The following SOX5 variants were observed in gnomAD, a reference collection of about 807,000 sequenced individuals.
The protein encoded by SOX5 is transcription factor SOX-5.
Under a neutral mutation model 92.0 loss-of-function variants are expected in SOX5, and 9 were observed. That is an observed-to-expected ratio of 0.10 (90% confidence interval 0.06 to 0.17). SOX5 has a LOEUF of 0.17. Among genes scored for constraint, SOX5 ranks in the 10% least tolerant of loss-of-function variants. The pLI, the probability that SOX5 is intolerant of heterozygous loss-of-function variation, is 1.00. For missense variants in SOX5, 642 were observed against 944.5 expected (o/e 0.68, Z 4.20); for synonymous variants, 344 against 336.3 (o/e 1.02, Z -0.25).
chr12:23,666,438 C>A (rs1035737815), intron 6 of SOX5, among the ~76,000 whole-genome samples: 1 of 152,174 alleles, frequency 6.6e-6, no homozygotes, highest in Non-Finnish European at 1.5e-5. Context: ...AGAAATACAA[C>A]CTAATGTGGC....
At chr12:23,713,930 AAAAATTCAAAAATTAGTT>A (rs1319856563) in intron 6 of SOX5, among the ~76,000 whole-genome samples, 10 of 151,330 alleles carry the variant, frequency 6.6e-5, no homozygotes, top group Admixed American at 6.6e-4. Flanking sequence ...CTTCTTTACT[AAAAATTCAAAAATTAGTT>A]GGGTGTGGCG....
At chr12:23,816,708 C>T (rs1052167700) in intron 3 of SOX5, among the ~76,000 whole-genome samples, 13 of 152,086 alleles carry the variant, frequency 8.5e-5, no homozygotes, top group African/African-American at 3.1e-4. Context: ...GAGCAAATGT[C>T]ATAAAAGGGT....
In SOX5 at chr12:24,036,045, C is replaced by T. The variant is rs1022768450; in HGVS notation, c.-1-140021G>A. 1.2e-4 allele frequency among the ~76,000 whole-genome samples: 18 copies of T among 151,858 alleles called. 1 individual carries two copies. Among genetic ancestry groups the T allele is most frequent in the Admixed American group, 3.3e-4 (5 of 15,216 alleles). On this transcript the variant is annotated intron_variant, in intron 4 of 4. Transcript: ENST00000446891. ...GAGAATGGGAAAATTATACAACACA[C>T]GCAGAAAATTCTTATAAAAGGCTTT...
intron 3 of SOX5, among the ~76,000 whole-genome samples, chr12:23,819,592 C>T (rs2955524): frequency 0.21 from 32,647 of 151,904 alleles, 3,615 homozygotes; most frequent in Middle Eastern, 0.26. Context: ...CCCCACTCCC[C>T]GACAGGCCGT....
chr12:24,336,553 A>G (rs1951925342), intron 2 of SOX5, among the ~76,000 whole-genome samples: 1 of 152,216 alleles, frequency 6.6e-6, no homozygotes, highest in African/African-American at 2.4e-5. Context: ...TTTTACATGA[A>G]GACTCAAGCA....
At chr12:23,608,115 GA>G (rs772255622) in intron 8 of SOX5, among the ~76,000 whole-genome samples, 8,888 of 44,008 alleles carry the variant, frequency 0.2, 204 homozygotes, top group Middle Eastern at 0.33. Flanking sequence ...AAAGAAAAAA[GA>G]AAAAAAAAAA....
chr12:23,841,486 G>A (rs1468755945), intron 3 of SOX5, among the ~76,000 whole-genome samples: 2 of 152,000 alleles, frequency 1.3e-5, no homozygotes, highest in African/African-American at 2.4e-5. Context: ...CACATAAAAA[G>A]CTGCACATGA....
intron 4 of SOX5, among the ~76,000 whole-genome samples, chr12:24,090,150 C>T (rs762670023): frequency 6.6e-6 from 1 of 152,122 alleles, no homozygotes; most frequent in African/African-American, 2.4e-5. Context: ...TTTTTAAAAA[C>T]TGCATTTTTA....
chr12:24,512,655 T>G (rs1949428902), intron 1 of SOX5, among the ~76,000 whole-genome samples: 1 of 152,222 alleles, frequency 6.6e-6, no homozygotes, highest in Non-Finnish European at 1.5e-5. Flanking sequence ...GTCTTAACTT[T>G]GCTGCCCACT....
chr12:23,823,724 C>G (rs112239098), intron 3 of SOX5, among the ~76,000 whole-genome samples: 1 of 152,090 alleles, frequency 6.6e-6, no homozygotes, highest in Non-Finnish European at 1.5e-5. Context: ...CAATTAGGTT[C>G]TATTCTCCCC....
chr12:24,248,628 G>A (rs555296016), intron 3 of SOX5, among the ~76,000 whole-genome samples: 5 of 152,174 alleles, frequency 3.3e-5, no homozygotes, highest in African/African-American at 1.2e-4. Flanking sequence ...CAAGTGATCC[G>A]CCTGACTTGG....
At chr12:24,503,046 T>A (rs962960033) in intron 1 of SOX5, among the ~76,000 whole-genome samples, 9 of 152,218 alleles carry the variant, frequency 5.9e-5, no homozygotes, top group African/African-American at 1.9e-4. Flanking sequence ...GGATTCTGGA[T>A]GGGATCGTGG....
intron 3 of SOX5, among the ~76,000 whole-genome samples, chr12:24,215,219 T>G (rs1959071625): frequency 6.6e-6 from 1 of 152,140 alleles, no homozygotes; most frequent in African/African-American, 2.4e-5. Flanking sequence ...ATACCACTTT[T>G]ATTCAACATT....
chr12:24,474,849 T>A (rs1423492679), intron 1 of SOX5, among the ~76,000 whole-genome samples: 1 of 150,540 alleles, frequency 6.6e-6, no homozygotes, highest in Non-Finnish European at 1.5e-5. Context: ...TTATGAAAAT[T>A]CTTAGTGAGA....
At chr12:23,657,987 T>A (rs1429368965) in intron 7 of SOX5, among the ~76,000 whole-genome samples, 1 of 151,816 alleles carries the variant, frequency 6.6e-6, no homozygotes, top group African/African-American at 2.4e-5. Flanking sequence ...AAAGAAAGAG[T>A]CTTTGCTTTT....
chr12:23,660,769 A>AT (rs1200373641), intron 7 of SOX5, among the ~76,000 whole-genome samples: 4 of 152,132 alleles, frequency 2.6e-5, no homozygotes, highest in Admixed American at 6.5e-5. Flanking sequence ...ACTTTCTTTG[A>AT]TTAAGGCACC....
intron 4 of SOX5, among the ~76,000 whole-genome samples, chr12:24,043,448 T>C (rs528576818): frequency 2.8e-4 from 43 of 152,334 alleles, no homozygotes; most frequent in African/African-American, 9.9e-4. Context: ...AATAAATATA[T>C]ATGCTAATGT....
chr12:23,919,353 C>T (rs1032713630), intron 1 of SOX5, among the ~76,000 whole-genome samples: 1 of 152,120 alleles, frequency 6.6e-6, no homozygotes, highest in Non-Finnish European at 1.5e-5. Flanking sequence ...AAGAAACACC[C>T]ATAGCCAGTA....
At chr12:23,789,628 G>C (rs952567848) in intron 3 of SOX5, among the ~76,000 whole-genome samples, 1 of 152,012 alleles carries the variant, frequency 6.6e-6, no homozygotes, top group Non-Finnish European at 1.5e-5. Flanking sequence ...AAATTCTCAG[G>C]ATAATTTATC....
Sources: gnomAD v4.1 joint callset for allele counts (sites outside exome capture counted in the v4.1 genomes callset) on GRCh38, gnomAD v4.1.1 for gene constraint, MANE v1.5 for transcripts, NCBI Gene and HGNC (gene_info 2026-07-23, HGNC 2026-07-21) for gene names.